SFI1: variants seen among roughly 807,000 people sequenced by gnomAD.
SFI1 encodes protein SFI1 homolog.
A neutral mutation model predicts 207.5 loss-of-function variants in SFI1; 195 were observed. That is an observed-to-expected ratio of 0.94 (90% CI 0.84 to 1.06). The LOEUF is 1.06. Among genes scored for constraint, SFI1 ranks in the 50% least tolerant of loss-of-function variants. SFI1 has a pLI of 0.00. For missense variants in SFI1, 1,634 were observed against 1,588.0 expected, an observed-to-expected ratio of 1.03 and a Z score of -0.49; for synonymous variants, 630 against 598.9, an observed-to-expected ratio of 1.05 and a Z score of -0.76.
At chr22:31,597,207 C>T (rs758977577) in intron 15 of SFI1, among the ~76,000 whole-genome samples, 2 of 152,098 alleles carry the variant, frequency 1.3e-5, no homozygotes, top group African/African-American at 4.8e-5. Context: ...TCCAAATAGC[C>T]AAGAGGAGCC....
intron 5 of SFI1, among the ~76,000 whole-genome samples, chr22:31,548,810 A>C (rs1252774367): frequency 6.7e-6 from 1 of 150,022 alleles, no homozygotes; most frequent in Non-Finnish European, 1.5e-5. Flanking sequence ...CTCTGTCTCA[A>C]AAAAAAAAAA....
chr22:31,585,766 G>C (rs1483294367), intron 14 of SFI1, among the ~76,000 whole-genome samples: 1 of 152,156 alleles, frequency 6.6e-6, no homozygotes, highest in Non-Finnish European at 1.5e-5. Context: ...GGGAGTACCT[G>C]TCTGGAATGT....
At chr22:31,556,664 A>G (rs1284293191) in intron 6 of SFI1, among the ~76,000 whole-genome samples, 2 of 152,224 alleles carry the variant, frequency 1.3e-5, no homozygotes, top group Non-Finnish European at 2.9e-5. Flanking sequence ...ATTGCAGAGT[A>G]TATCTATAGA....
chr22:31,606,244 G>A lies in SFI1; in HGVS notation c.2055-84G>A, dbSNP rs2068945390. On this transcript the variant is annotated intron_variant, in intron 20 of 32. Coordinates refer to ENST00000400288, the MANE Select transcript of SFI1 (RefSeq NM_001007467.3). ...TAGAGTCCCTGACTCAGGAGTAGGG[G>A]AAGAAGTAGGAATGATTCACAGAAG... is the stretch of plus-strand genomic sequence containing the variant. The A allele has an allele frequency of 3.2e-6, 4 of 1,252,646 alleles. No individual in the cohort carries two copies. In the South Asian group the frequency reaches 3.6e-5, roughly 11 times the overall value. 77.6% of individuals were successfully genotyped at this position (1,252,646 alleles called of 1,614,324 possible). A position where few individuals can be genotyped will look rare whatever the true frequency, so the allele number is the denominator to read the frequency against.
chr22:31,513,640 C>T (rs1234708857), intron 2 of SFI1, among the ~76,000 whole-genome samples: 3 of 151,164 alleles, frequency 2.0e-5, no homozygotes, highest in South Asian at 4.2e-4. Flanking sequence ...TGCAGTGGTG[C>T]GATCTCAGCT....
At chr22:31,615,338 T>C in intron 29 of SFI1, 59 bp downstream of exon 29, 1 of 1,355,788 alleles carries the variant, frequency 7.4e-7, no homozygotes, top group East Asian at 2.6e-5. Flanking sequence ...TGACTTCTGG[T>C]GCTTTCTCAT....
Position 31,613,456 on chromosome 22 carries a change from G to T in SFI1, c.2668G>T (p.Ala890Ser). The change falls in exon 26 of 33, where the codon GCC becomes TCC. Residue 890 changes from alanine to serine, a missense_variant. Ala to Ser is a moderately conservative substitution (Grantham distance 99, BLOSUM62 1). Coordinates refer to ENST00000400288, the MANE Select transcript of SFI1 (RefSeq NM_001007467.3). ...CCAGGGGCAGCTCCTCCAGGAGGGTGCCACGCGGCTCCTGCGCTTTGCAGC... is the reference window on the plus strand; with the variant it reads ...CCAGGGGCAGCTCCTCCAGGAGGGTTCCACGCGGCTCCTGCGCTTTGCAGC... ...AYQGQLLQEG[A>S]TRLLRFAASM... 1 of 1,605,834 alleles carries T rather than the reference G, an allele frequency of 6.2e-7. No homozygotes were observed. The highest frequency in any genetic ancestry group is 8.5e-7 in the Non-Finnish European group (1 of 1,179,294).
intron 2 of SFI1, chr22:31,521,369 C>A (rs936953648): frequency 6.1e-6 from 1 of 163,322 alleles, no homozygotes. Flanking sequence ...CTTTTGGTGC[C>A]TTTGATGTCA....
intron 31 of SFI1, 54 bp downstream of exon 31, chr22:31,617,132 G>A (rs2147496423): frequency 1.3e-6 from 2 of 1,586,064 alleles, no homozygotes; most frequent in Non-Finnish European, 1.7e-6. Flanking sequence ...GTGTTGCCTG[G>A]AGAGGTGGGC....
chr22:31,563,204 G>A (rs1034376482), intron 8 of SFI1, among the ~76,000 whole-genome samples: 2 of 151,700 alleles, frequency 1.3e-5, no homozygotes, highest in African/African-American at 4.8e-5. Flanking sequence ...TGTTGCCCAG[G>A]GTGGTTGCTA....
At chr22:31,511,858 G>A (rs901089561) in intron 2 of SFI1, among the ~76,000 whole-genome samples, 1 of 151,950 alleles carries the variant, frequency 6.6e-6, no homozygotes, top group Non-Finnish European at 1.5e-5. Flanking sequence ...CGCCATGTTG[G>A]TCTGGCTGGT....
chr22:31,524,256 G>A (rs1179944645), intron 2 of SFI1, among the ~76,000 whole-genome samples: 3 of 152,058 alleles, frequency 2.0e-5, no homozygotes, highest in African/African-American at 7.2e-5. Flanking sequence ...GCCAGCATTT[G>A]TTATGTTTTT....
chr22:31,531,297 A>G (rs1353707061), intron 4 of SFI1, among the ~76,000 whole-genome samples, 168 bp downstream of exon 4: 1 of 152,168 alleles, frequency 6.6e-6, no homozygotes, highest in African/African-American at 2.4e-5. Flanking sequence ...TGGTAACTTC[A>G]TATCTGTTAG....
At chr22:31,534,660 T>TA (rs2058809083) in intron 4 of SFI1, among the ~76,000 whole-genome samples, 3 of 152,294 alleles carry the variant, frequency 2.0e-5, no homozygotes, top group Admixed American at 2.0e-4. Flanking sequence ...CTTCCATTTC[T>TA]AAGCTGTTAG....
chr22:31,543,345 G>A (rs1362014095), intron 4 of SFI1, among the ~76,000 whole-genome samples: 3 of 152,146 alleles, frequency 2.0e-5, no homozygotes, highest in African/African-American at 7.2e-5. Flanking sequence ...TGTCCCTTCA[G>A]TACCCTTAGC....
chr22:31,508,841 G>T (rs908669570), intron 2 of SFI1, among the ~76,000 whole-genome samples: 4 of 152,064 alleles, frequency 2.6e-5, no homozygotes, highest in Non-Finnish European at 4.4e-5. Flanking sequence ...GGGCCTAGAG[G>T]TAGTACCACC....
chr22:31,561,180 T>A (rs2061669691), intron 7 of SFI1, 110 bp from the exon 8 acceptor site: 1 of 803,718 alleles, frequency 1.2e-6, no homozygotes, highest in African/African-American at 1.7e-5. Flanking sequence ...GAGATGGTAC[T>A]ATGAAGGAGA....
At chr22:31,515,821 T>C (rs1198299914) in intron 2 of SFI1, among the ~76,000 whole-genome samples, 1 of 149,902 alleles carries the variant, frequency 6.7e-6, no homozygotes, top group African/African-American at 2.5e-5. Flanking sequence ...CACTGCAACC[T>C]GCATCCCCTG....
At chr22:31,559,802 C>G in intron 7 of SFI1, 2 of 715,834 alleles carry the variant, frequency 2.8e-6, no homozygotes, top group Non-Finnish European at 5.1e-6. Context: ...CAAGAAGCTC[C>G]GTGCAGATGT....
Sources: allele counts gnomAD v4.1 joint callset (sites outside exome capture counted in the v4.1 genomes callset), GRCh38; gene constraint gnomAD v4.1.1; transcripts MANE v1.5; gene names NCBI Gene and HGNC (gene_info 2026-07-23, HGNC 2026-07-21).